The following COL12A1 variants were observed in gnomAD, a reference collection of about 807,000 sequenced individuals.
COL12A1 encodes the protein collagen type XII alpha 1 chain, also known as collagen alpha-1(XII) chain.
Under a neutral mutation model 349.7 loss-of-function variants are expected in COL12A1, and 114 were observed. The ratio of observed to expected loss-of-function variants is 0.33; its 90% CI spans 0.28 to 0.38. The LOEUF (loss-of-function observed/expected upper bound fraction) is 0.38. Ranked by LOEUF, COL12A1 falls within the 10% of genes least tolerant of loss-of-function variation. COL12A1 has a pLI of 1.00. For missense variants in COL12A1, 3,284 were observed against 3,756.9 expected (o/e 0.87, Z 3.29); for synonymous variants, 1,369 against 1,329.0 (o/e 1.03, Z -0.66).
At chr6:75,145,521 T>C in intron 24 of COL12A1, 66 bp from the exon 25 acceptor site, 2 of 1,530,672 alleles carry the variant, frequency 1.3e-6, no homozygotes, top group South Asian at 1.2e-5. Flanking sequence ...ACCTTTGGAA[T>C]AGTCAACTGA....
At chr6:75,158,207 A>G (rs766945763) in intron 14 of COL12A1, among the ~76,000 whole-genome samples, 10 of 152,172 alleles carry the variant, frequency 6.6e-5, no homozygotes, top group Non-Finnish European at 1.3e-4. Flanking sequence ...ACATTTAAAC[A>G]TGAGGCCTTT....
chr6:75,131,918 T>C, intron 35 of COL12A1, 22 bp downstream of exon 35: 1 of 1,612,328 alleles, frequency 6.2e-7, no homozygotes. Context: ...GGAAATGCAG[T>C]TTCCATGACA....
intron 43 of COL12A1, among the ~76,000 whole-genome samples, chr6:75,122,112 A>G (rs1765768092): frequency 6.6e-6 from 1 of 152,158 alleles, no homozygotes; most frequent in Non-Finnish European, 1.5e-5. Context: ...AAGTGCTGGG[A>G]TTACAGGCGT....
Position 75,189,307 on chromosome 6 carries a change from C to T in COL12A1, c.733G>A (p.Ala245Thr). 2 of 1,613,150 alleles carry T rather than the reference C, an allele frequency of 1.2e-6. No homozygotes were observed. The highest frequency in any genetic ancestry group is 1.7e-5 in the Admixed American group (1 of 59,890). ...GATTTTCCATCCGTAATAATAATTG[C>T]CACTTTAGGAAAGCCAACTCTTGCC... is the stretch of plus-strand genomic sequence containing the variant. Reference protein sequence around the residue: ...AGARVGFPKVAIIITDGKSQD... With the variant: ...AGARVGFPKVTIIITDGKSQD... The change falls in exon 7 of 66, where the codon GCA becomes ACA. Residue 245 changes from alanine (A) to threonine (T), a missense_variant. Ala to Thr is a moderately conservative substitution (Grantham distance 58, BLOSUM62 0). This residue lies in a region of COL12A1 where 2,601 missense variants were observed against 2,824.8 expected (regional missense o/e 0.92). Transcript: ENST00000322507.
Position 75,113,245 on chromosome 6 carries a change from T to C in COL12A1, c.7909A>G (p.Thr2637Ala), listed in dbSNP as rs760927485. The C allele has an allele frequency of 6.4e-7, 1 of 1,567,014 alleles. No individual in the cohort carries two copies. Among genetic ancestry groups the C allele is most frequent in the Admixed American group, 1.8e-5 (1 of 54,220 alleles). Residue 2637 changes from threonine (T) to alanine (A), a missense_variant, in exon 51 of 66, where the codon ACA (threonine) becomes GCA (alanine). This residue lies in a region of COL12A1 where 683 missense variants were observed against 932.1 expected (regional missense o/e 0.73). Coordinates refer to ENST00000322507, the MANE Select transcript of COL12A1 (RefSeq NM_004370.6). ...TAAAATAATGTCTTTACTTCTTCTG[T>C]GTCAAATGTAACAGTTTGCACCTCG... ...RGEVQTVTFD[T>A]EEVKTLFYGS...
intron 27 of COL12A1, 121 bp from the exon 28 acceptor site, chr6:75,139,082 CT>C: frequency 9.0e-7 from 1 of 1,106,542 alleles, no homozygotes; most frequent in Non-Finnish European, 1.3e-6. Flanking sequence ...GAATACATTG[CT>C]TAGAACCAAA....
intron 13 of COL12A1, among the ~76,000 whole-genome samples, chr6:75,171,837 T>C (rs1488665150): frequency 6.6e-6 from 1 of 152,248 alleles, no homozygotes; most frequent in Non-Finnish European, 1.5e-5. Flanking sequence ...TAGTCACAAC[T>C]ATGCTTTCAC....
At position 75,124,113 on chromosome 6, in the gene COL12A1, G is replaced by A; in HGVS notation, c.6725-19C>T. 6.2e-7 allele frequency: 1 copy of A among 1,607,432 alleles called. No individual in the cohort carries two copies. Among genetic ancestry groups the A allele is most frequent in the Non-Finnish European group, 8.5e-7 (1 of 1,175,002 alleles). ...CTTGTTCCTGATTATGACAACAAAGGAAAATGCCAGTGTCATCACCAATTA... is the reference window on the plus strand; with the variant it reads ...CTTGTTCCTGATTATGACAACAAAGAAAAATGCCAGTGTCATCACCAATTA... On this transcript the variant is annotated intron_variant, in intron 41 of 65. Transcript: ENST00000322507.
Position 75,133,875 on chromosome 6 carries a change from C to A in COL12A1, c.5647G>T (p.Gly1883Cys). The A allele has an allele frequency of 1.2e-6, 2 of 1,614,106 alleles. No individual in the cohort carries two copies. Among genetic ancestry groups the A allele is most frequent in the Non-Finnish European group, 1.7e-6 (2 of 1,179,974 alleles). ...ATAATTACCAGTTCCTCTGGACCAC[C>A]TGCTGCTGGTGCATAGAAGAGCTTG... The part of the protein sequence containing the change: ...QYKLFYAPAA[G>C]GPEELVPIPG... Residue 1883 changes from glycine (G) to cysteine (C), a missense_variant, in exon 33 of 66, where the codon GGT becomes TGT. This residue lies in a region of COL12A1 where 2,601 missense variants were observed against 2,824.8 expected (regional missense o/e 0.92). Coordinates refer to ENST00000322507, the MANE Select transcript of COL12A1 (RefSeq NM_004370.6).
intron 37 of COL12A1, among the ~76,000 whole-genome samples, 196 bp downstream of exon 37, chr6:75,129,895 T>C (rs941663800): frequency 6.6e-6 from 1 of 152,174 alleles, no homozygotes; most frequent in Non-Finnish European, 1.5e-5. Context: ...CCAAAGACAT[T>C]GCTTCTCTGT....
At chr6:75,139,444 A>G (rs1209905482) in intron 27 of COL12A1, among the ~76,000 whole-genome samples, 3 of 152,342 alleles carry the variant, frequency 2.0e-5, no homozygotes, top group Middle Eastern at 3.4e-3. Flanking sequence ...ATAGTTATTC[A>G]TTTATTGTTC....
intron 44 of COL12A1, 28 bp from the exon 45 acceptor site, chr6:75,119,501 G>C: frequency 6.3e-7 from 1 of 1,579,546 alleles, no homozygotes; most frequent in Non-Finnish European, 8.6e-7. Context: ...TTGGCAGTGA[G>C]CATAAGTCAT....
At chr6:75,197,794 T>C (rs1770311478) in intron 2 of COL12A1, among the ~76,000 whole-genome samples, 1 of 152,240 alleles carries the variant, frequency 6.6e-6, no homozygotes, top group African/African-American at 2.4e-5. Flanking sequence ...GTATTTTTAT[T>C]CTTATAGTTT....
intron 14 of COL12A1, 27 bp downstream of exon 14, chr6:75,165,480 C>T: frequency 6.2e-7 from 1 of 1,607,524 alleles, no homozygotes. Context: ...CCGGCACACA[C>T]CCAAACACAC....
Position 75,148,253 on chromosome 6 carries a change from CT to C in COL12A1, c.4287+104del, listed in dbSNP as rs918583999. The C allele has an allele frequency of 5.7e-5, 65 of 1,146,692 alleles. No homozygotes were observed. In the Middle Eastern group the frequency reaches 8.3e-4, roughly 15 times the overall value. The allele number at this position is 1,146,692 out of a possible 1,614,324, so 71.0% of individuals were successfully genotyped here. A position where few individuals can be genotyped will look rare whatever the true frequency, so the allele number is the denominator to read the frequency against. ...ACTATTCTTGACTCATTTCTGGCCCCTCTTCATCCCTCTTGCCCCTCACCTA... is the reference window on the plus strand; with the variant it reads ...ACTATTCTTGACTCATTTCTGGCCCCCTTCATCCCTCTTGCCCCTCACCTA... On this transcript the variant is annotated intron_variant, in intron 22 of 65. Coordinates refer to ENST00000322507, the MANE Select transcript of COL12A1 (RefSeq NM_004370.6).
rs1767438513 is a variant in COL12A1, at chr6:75,085,364, C to T, written c.*1183G>A. 2.1e-6 allele frequency: 1 copy of T among 470,724 alleles called. No homozygotes were observed. The highest frequency in any genetic ancestry group is 1.5e-5 in the South Asian group (1 of 64,532). The allele number at this position is 470,724 out of a possible 1,614,324, so 29.2% of individuals were successfully genotyped here. On this transcript the variant is annotated 3_prime_UTR_variant, in exon 66 of 66. Transcript: ENST00000322507. The stretch of plus-strand genomic sequence containing the variant: ...AGGCCCCGCCCTCGGGCACGTAAGG[C>T]TCTGTCCGATTCAACATTACAATTA...
chr6:75,119,439 G>A lies in COL12A1; in HGVS notation c.7121C>T (p.Ser2374Phe). 1.2e-6 allele frequency: 2 copies of A among 1,613,742 alleles called. No individual in the cohort carries two copies. The highest frequency in any genetic ancestry group is 1.7e-6 in the Non-Finnish European group (2 of 1,179,822). The change falls in exon 45 of 66, where the codon TCT becomes TTT. Residue 2374 changes from serine (S) to phenylalanine (F), a missense_variant. Transcript: ENST00000322507. ...SFVQYSDEVK[S>F]EFKLNTYNDK... ...ATTGTACGTGTTCAGCTTGAACTCA[G>A]ACTTGACCTCATCGCTGTATTGCAC...
At position 75,113,261 on chromosome 6, in the gene COL12A1, T is replaced by C. The variant is rs1015843320; in HGVS notation, c.7893A>G (p.Gln2631=). 4.5e-6 allele frequency: 7 copies of C among 1,565,546 alleles called. No individual in the cohort carries two copies. The highest frequency in any genetic ancestry group is 5.2e-6 in the Non-Finnish European group (6 of 1,158,542). Residue 2631 remains glutamine, a synonymous_variant, in exon 51 of 66, where the codon CAA becomes CAG. Transcript: ENST00000322507. ...CTTCTTCTGTGTCAAATGTAACAGT[T>C]TGCACCTCGCCTCTTGTATCCTTGT... The part of the protein sequence containing the change: ...FFNKDTRGEV[Q]TVTFDTEEVK...
rs1247553719 is a variant in COL12A1, at chr6:75,130,330, A to T, written c.6068-97T>A. ...CTTGCATGTGTTTCATTCACCATTC[A>T]CTCAGATGTTTCCTCCCATATAATA... On this transcript the variant is annotated intron_variant, in intron 36 of 65. Coordinates refer to ENST00000322507, the MANE Select transcript of COL12A1 (RefSeq NM_004370.6). 3 of 1,185,792 alleles carry T rather than the reference A, an allele frequency of 2.5e-6. No individual in the cohort carries two copies. The African/African-American group carries it at 4.6e-5, about 18-fold the overall frequency. 73.5% of individuals were successfully genotyped at this position (1,185,792 alleles called of 1,614,324 possible). A position where few individuals can be genotyped will look rare whatever the true frequency, so the allele number is the denominator to read the frequency against.
Sources: gnomAD v4.1 joint callset for allele counts (sites outside exome capture counted in the v4.1 genomes callset) on GRCh38, gnomAD v4.1.1 for gene constraint, gnomAD v4.1.1 regional missense constraint, MANE v1.5 for transcripts, NCBI Gene and HGNC (gene_info 2026-07-23, HGNC 2026-07-21) for gene names.